The following RBM47 variants were observed in gnomAD, a reference collection of about 807,000 sequenced individuals.
The protein encoded by RBM47 is RNA binding motif protein 47, also known as RNA-binding protein 47.
Under a neutral mutation model 47.1 loss-of-function variants are expected in RBM47, and 21 were observed. The ratio of observed to expected loss-of-function variants is 0.45; its 90% CI spans 0.32 to 0.64. The LOEUF is 0.64. Among genes scored for constraint, RBM47 ranks in the 30% least tolerant of loss-of-function variants. The probability of loss-of-function intolerance (pLI) is 0.05; values close to 1 mark genes in which losing one functional copy is unlikely to be tolerated. For missense variants in RBM47, 708 were observed against 870.9 expected (o/e 0.81, Z 2.35); for synonymous variants, 375 against 361.7 (o/e 1.04, Z -0.42).
chr4:40,469,266 G>A (rs893606617), intron 2 of RBM47, among the ~76,000 whole-genome samples: 2 of 151,982 alleles, frequency 1.3e-5, no homozygotes, highest in African/African-American at 2.4e-5. Flanking sequence ...CAGAATTCAC[G>A]TAGTTTTGTG....
intron 2 of RBM47, among the ~76,000 whole-genome samples, chr4:40,498,245 C>T (rs1410123976): frequency 6.6e-6 from 1 of 151,680 alleles, no homozygotes; most frequent in Non-Finnish European, 1.5e-5. Context: ...AAAGGTGAGC[C>T]TTCCAGTAAT....
intron 2 of RBM47, among the ~76,000 whole-genome samples, chr4:40,534,786 T>A (rs1359159152): frequency 6.6e-6 from 1 of 151,970 alleles, no homozygotes; most frequent in Non-Finnish European, 1.5e-5. Context: ...TACAAAAAAA[T>A]TAGCCAGGCA....
intron 1 of RBM47, among the ~76,000 whole-genome samples, chr4:40,594,449 G>A (rs1216885967): frequency 2.0e-5 from 3 of 152,156 alleles, no homozygotes; most frequent in Non-Finnish European, 4.4e-5. Flanking sequence ...GCTTGGTCTC[G>A]AAAGCTCTCA....
intron 3 of RBM47, among the ~76,000 whole-genome samples, chr4:40,444,501 G>C (rs1249946256): frequency 6.6e-6 from 1 of 152,010 alleles, no homozygotes; most frequent in Non-Finnish European, 1.5e-5. Context: ...GACCCAGACA[G>C]TGTGGCTCAT....
intron 2 of RBM47, among the ~76,000 whole-genome samples, chr4:40,468,413 T>G (rs1248223596): frequency 6.6e-6 from 1 of 152,230 alleles, no homozygotes; most frequent in Non-Finnish European, 1.5e-5. Context: ...ACCAAAAATC[T>G]AACTAGTTGC....
intron 1 of RBM47, among the ~76,000 whole-genome samples, chr4:40,599,188 G>T (rs1372882181): frequency 1.3e-5 from 2 of 149,778 alleles, no homozygotes; most frequent in Non-Finnish European, 3.0e-5. Flanking sequence ...AACCCAGGAG[G>T]CGGAGGTTGC....
chr4:40,619,233 G>A (rs1203048007), intron 1 of RBM47, among the ~76,000 whole-genome samples: 2 of 152,070 alleles, frequency 1.3e-5, no homozygotes, highest in East Asian at 1.9e-4. Context: ...ATTCAAGACC[G>A]GCCTGGGCAA....
intron 2 of RBM47, among the ~76,000 whole-genome samples, chr4:40,530,648 G>A (rs887035928): frequency 2.6e-5 from 4 of 152,098 alleles, no homozygotes; most frequent in Admixed American, 2.6e-4. Context: ...GTGTGGCTAG[G>A]GACTTCCGTA....
chr4:40,466,265 C>CAAA (rs55805915), intron 3 of RBM47, among the ~76,000 whole-genome samples: 44 of 91,530 alleles, frequency 4.8e-4, no homozygotes, highest in Non-Finnish European at 5.7e-4. Flanking sequence ...GAGACTGTCT[C>CAAA]AAAAAAAAAA....
intron 3 of RBM47, among the ~76,000 whole-genome samples, chr4:40,460,926 A>G (rs933283732): frequency 5.3e-5 from 8 of 151,774 alleles, no homozygotes; most frequent in African/African-American, 1.9e-4. Flanking sequence ...TATTAAAAGA[A>G]GAAGGAAGAG....
At chr4:40,518,287 C>T (rs1414235537) in intron 2 of RBM47, among the ~76,000 whole-genome samples, 2 of 148,448 alleles carry the variant, frequency 1.3e-5, no homozygotes, top group Non-Finnish European at 3.0e-5. Context: ...AGCAATTCTC[C>T]TGCCTCAGCC....
chr4:40,438,004 G>A lies in RBM47; in HGVS notation c.890C>T (p.Ala297Val). The change falls in exon 4 of 7, where the codon GCC becomes GTC. Residue 297 changes from alanine to valine, a missense_variant. By Grantham distance (64) the Ala-to-Val change is moderately conservative. Coordinates refer to ENST00000295971, the MANE Select transcript of RBM47 (RefSeq NM_001098634.2). ...HFTSREDAVH[A>V]MNNLNGTELE... ...CTCAGTGCCGTTGAGGTTGTTCATG[G>A]CATGCACGGCATCCTCGCGGCTGGT... 1 of 1,613,604 alleles carries A rather than the reference G, an allele frequency of 6.2e-7. No homozygotes were observed. Among genetic ancestry groups the A allele is most frequent in the Non-Finnish European group, 8.5e-7 (1 of 1,180,028 alleles).
At chr4:40,558,770 G>A (rs1730335827) in intron 1 of RBM47, among the ~76,000 whole-genome samples, 1 of 151,524 alleles carries the variant, frequency 6.6e-6, no homozygotes, top group Admixed American at 6.6e-5. Context: ...AGAGGTTGTA[G>A]TGGGCCGAGA....
At chr4:40,427,022 C>T (rs776765190) in intron 6 of RBM47, 7 of 152,110 alleles carry the variant, frequency 4.6e-5, no homozygotes, top group Non-Finnish European at 1.0e-4. Context: ...TCATACTTAA[C>T]TGATGGAATA....
intron 3 of RBM47, among the ~76,000 whole-genome samples, chr4:40,443,732 A>AAAAAAAAC (rs1714059122): frequency 1.0e-5 from 1 of 97,004 alleles, no homozygotes; most frequent in African/African-American, 3.9e-5. Context: ...AAAAAAAAAA[A>AAAAAAAAC]AAAAAAAAAA....
chr4:40,621,063 A>G (rs1737224861), intron 1 of RBM47, among the ~76,000 whole-genome samples: 1 of 152,028 alleles, frequency 6.6e-6, no homozygotes, highest in South Asian at 2.1e-4. Flanking sequence ...ACCATGACTG[A>G]CAATAGTCAG....
intron 3 of RBM47, among the ~76,000 whole-genome samples, chr4:40,459,356 T>G (rs925251262): frequency 6.6e-6 from 1 of 152,202 alleles, no homozygotes; most frequent in South Asian, 2.1e-4. Flanking sequence ...CTTTTATAAC[T>G]AACATCCACC....
At chr4:40,567,258 G>A (rs1343278155) in intron 1 of RBM47, among the ~76,000 whole-genome samples, 3 of 151,910 alleles carry the variant, frequency 2.0e-5, no homozygotes, top group South Asian at 2.1e-4. Flanking sequence ...GGAAAGTTAC[G>A]TAAGTGGCTG....
At chr4:40,439,894 T>C (rs1416906550) in intron 3 of RBM47, among the ~76,000 whole-genome samples, 1 of 152,178 alleles carries the variant, frequency 6.6e-6, no homozygotes, top group Non-Finnish European at 1.5e-5. Context: ...GAATTTTCTA[T>C]GATGCTAGAA....
Sources: gnomAD v4.1 joint callset for allele counts (sites outside exome capture counted in the v4.1 genomes callset) on GRCh38, gnomAD v4.1.1 for gene constraint, MANE v1.5 for transcripts, NCBI Gene and HGNC (gene_info 2026-07-23, HGNC 2026-07-21) for gene names.